The following SSBP2 variants were observed in gnomAD, a reference collection of about 807,000 sequenced individuals.
SSBP2 encodes single-stranded DNA-binding protein 2.
SSBP2 carries 17 observed loss-of-function variants against 61.8 expected under a neutral mutation model. The observed-to-expected ratio is 0.28, with a 90% CI of 0.19 to 0.41. The LOEUF (loss-of-function observed/expected upper bound fraction) is 0.41, where lower values mean the gene tolerates loss of function less well. Among genes scored for constraint, SSBP2 ranks in the 10% least tolerant of loss-of-function variants. SSBP2 has a pLI of 1.00. For missense variants in SSBP2, 310 were observed against 458.7 expected (o/e 0.68, Z 2.96); for synonymous variants, 139 against 141.3 (o/e 0.98, Z 0.12).
intron 4 of SSBP2, among the ~76,000 whole-genome samples, chr5:81,558,137 C>G (rs1173420657): frequency 6.6e-6 from 1 of 152,174 alleles, no homozygotes; most frequent in Non-Finnish European, 1.5e-5. Context: ...CTGCCATATA[C>G]TGTTACAGTA....
At chr5:81,750,297 G>A (rs953433165) in intron 1 of SSBP2, among the ~76,000 whole-genome samples, 24 of 145,604 alleles carry the variant, frequency 1.6e-4, no homozygotes, top group Middle Eastern at 3.6e-3. Flanking sequence ...GACTGCGGGC[G>A]CCGCGTCCGT....
chr5:81,735,398 G>A (rs1756532161), intron 1 of SSBP2, among the ~76,000 whole-genome samples: 1 of 152,156 alleles, frequency 6.6e-6, no homozygotes, highest in Admixed American at 6.5e-5. Context: ...CCCACCCACT[G>A]CAGATACCAA....
At chr5:81,499,328 T>C (rs1247290282) in intron 5 of SSBP2, among the ~76,000 whole-genome samples, 1 of 152,330 alleles carries the variant, frequency 6.6e-6, no homozygotes, top group Admixed American at 6.5e-5. Context: ...TTGATTCTTC[T>C]ACATGAATTT....
At chr5:81,441,815 A>G (rs1181207825) in intron 13 of SSBP2, among the ~76,000 whole-genome samples, 1 of 152,232 alleles carries the variant, frequency 6.6e-6, no homozygotes, top group Non-Finnish European at 1.5e-5. Flanking sequence ...TAAGGCATAT[A>G]TAAGTCAAAG....
chr5:81,434,706 A>G (rs1056519451), intron 15 of SSBP2, among the ~76,000 whole-genome samples: 3 of 151,958 alleles, frequency 2.0e-5, no homozygotes, highest in Admixed American at 2.0e-4. Flanking sequence ...TTGATTCACA[A>G]ACAAAATTAC....
chr5:81,439,804 T>C (rs916879886), intron 14 of SSBP2, among the ~76,000 whole-genome samples: 4 of 151,606 alleles, frequency 2.6e-5, no homozygotes, highest in Admixed American at 2.6e-4. Flanking sequence ...CCCAAGTAGC[T>C]GGGACTACAG....
Position 81,638,487 on chromosome 5 carries a change from C to T in SSBP2, c.136-1869G>A, listed in dbSNP as rs1175770804. 2.6e-5 allele frequency among the ~76,000 whole-genome samples: 4 copies of T among 151,244 alleles called. No homozygotes were observed. The South Asian group carries it at 6.3e-4, about 24-fold the overall frequency. ...GCAGTGAGCTAAGATCCCACCACTG[C>T]ACTCCAGCCTGACAGAGCAAGACTC... On this transcript the variant is annotated intron_variant, in intron 2 of 16. Transcript: ENST00000320672.
At chr5:81,627,075 T>A (rs1485737876) in intron 3 of SSBP2, among the ~76,000 whole-genome samples, 1 of 152,244 alleles carries the variant, frequency 6.6e-6, no homozygotes, top group Non-Finnish European at 1.5e-5. Flanking sequence ...AAAAATATTA[T>A]AGAAAAAGTC....
chr5:81,443,230 A>G (rs557180524), intron 12 of SSBP2: 3 of 152,240 alleles, frequency 2.0e-5, no homozygotes, highest in East Asian at 3.9e-4. Context: ...AATTAGAATA[A>G]TGTAATTCTC....
At chr5:81,608,230 TA>T (rs1437350861) in intron 4 of SSBP2, among the ~76,000 whole-genome samples, 1 of 152,190 alleles carries the variant, frequency 6.6e-6, no homozygotes, top group Non-Finnish European at 1.5e-5. Context: ...AAATTATTTT[TA>T]ATTTTTCTCT....
At chr5:81,421,275 C>T (rs929372398) in intron 16 of SSBP2, among the ~76,000 whole-genome samples, 1 of 152,116 alleles carries the variant, frequency 6.6e-6, no homozygotes, top group Non-Finnish European at 1.5e-5. Context: ...CACTGCAACC[C>T]TGACCTTCCT....
intron 4 of SSBP2, among the ~76,000 whole-genome samples, chr5:81,586,937 C>T (rs940731450): frequency 6.6e-6 from 1 of 151,964 alleles, no homozygotes; most frequent in African/African-American, 2.4e-5. Flanking sequence ...CCCTAGTGGA[C>T]ACTTCACATA....
At chr5:81,517,098 T>C (rs1057410544) in intron 4 of SSBP2, among the ~76,000 whole-genome samples, 11 of 152,118 alleles carry the variant, frequency 7.2e-5, no homozygotes, top group African/African-American at 2.4e-4. Flanking sequence ...GAAAATCCTT[T>C]ATTATATAAT....
chr5:81,544,284 T>G (rs1771554079), intron 4 of SSBP2, among the ~76,000 whole-genome samples: 1 of 152,094 alleles, frequency 6.6e-6, no homozygotes, highest in South Asian at 2.1e-4. Context: ...CCTGACCTCG[T>G]GATCCGCCCC....
chr5:81,532,614 A>G (rs1288538284), intron 4 of SSBP2, among the ~76,000 whole-genome samples: 3 of 152,036 alleles, frequency 2.0e-5, no homozygotes, highest in Non-Finnish European at 2.9e-5. Flanking sequence ...GTATAGATTT[A>G]TAGTGGATTA....
At chr5:81,599,756 G>T (rs751062605) in intron 4 of SSBP2, among the ~76,000 whole-genome samples, 1 of 152,162 alleles carries the variant, frequency 6.6e-6, no homozygotes, top group Non-Finnish European at 1.5e-5. Flanking sequence ...TATTCTGGCC[G>T]TTATAGCAGG....
At chr5:81,504,696 A>T (rs1246363182) in intron 5 of SSBP2, among the ~76,000 whole-genome samples, 1 of 152,128 alleles carries the variant, frequency 6.6e-6, no homozygotes, top group Non-Finnish European at 1.5e-5. Flanking sequence ...TATCACAACT[A>T]ACATATCACA....
intron 1 of SSBP2, among the ~76,000 whole-genome samples, chr5:81,747,865 A>G (rs595307): frequency 0.67 from 102,325 of 151,960 alleles, 34,771 homozygotes; most frequent in Middle Eastern, 0.75. Flanking sequence ...ATGACCTAAC[A>G]AGATCAGAAT....
At position 81,484,982 on chromosome 5, in the gene SSBP2, T is replaced by C. The variant is rs552571002; in HGVS notation, c.432+4268A>G. Among the ~76,000 whole-genome samples, 14 of 152,310 alleles carry C rather than the reference T, an allele frequency of 9.2e-5. No individual in the cohort carries two copies. The South Asian group carries it at 2.9e-3, about 32-fold the overall frequency. On this transcript the variant is annotated intron_variant, in intron 6 of 16. Coordinates refer to ENST00000320672, the MANE Select transcript of SSBP2 (RefSeq NM_012446.5). ...GAATTCTATAGGATCAACAGATCTA[T>C]AGTTAAATTATTTTTGGTGTCACTC...
Sources: gnomAD v4.1 joint callset for allele counts (sites outside exome capture counted in the v4.1 genomes callset) on GRCh38, gnomAD v4.1.1 for gene constraint, MANE v1.5 for transcripts, NCBI Gene and HGNC (gene_info 2026-07-23, HGNC 2026-07-21) for gene names.